CSMD3: variants seen among roughly 807,000 people sequenced by gnomAD.
CSMD3 encodes CUB and sushi domain-containing protein 3.
A neutral mutation model predicts 435.2 loss-of-function variants in CSMD3; 177 were observed. The ratio of observed to expected loss-of-function variants is 0.41; its 90% confidence interval spans 0.36 to 0.46. CSMD3 has a LOEUF of 0.46. CSMD3 is among the 20% of genes least tolerant of loss of function. The pLI, the probability that CSMD3 is intolerant of heterozygous loss-of-function variation, is 0.34. For missense variants in CSMD3, 4,265 were observed against 4,504.6 expected (o/e 0.95, Z 1.52); for synonymous variants, 1,656 against 1,520.5 (o/e 1.09, Z -2.07).
chr8:112,265,387 A>G, intron 60 of CSMD3, 24 bp downstream of exon 60: 1 of 1,557,406 alleles, frequency 6.4e-7, no homozygotes. Context: ...CCATTTTTAA[A>G]TGTTGAAGAA....
At chr8:112,582,441 C>T (rs887959166) in intron 23 of CSMD3, among the ~76,000 whole-genome samples, 23 of 151,508 alleles carry the variant, frequency 1.5e-4, no homozygotes, top group Non-Finnish European at 2.9e-5. Context: ...ATATAGCATG[C>T]TTGGTATATT....
At position 112,311,090 on chromosome 8, in the gene CSMD3, C is replaced by A. The variant is rs746284745; in HGVS notation, c.7773G>T (p.Val2591=). ...ATCCTCGATCACAGGCCCAACGGAC[C>A]ACACTGTTAAGCTGCCCACCTGTCT... ...ISQTGGQLNS[V]VRWACDRGFR... is the part of the protein sequence containing the mutation. Residue 2591 remains valine (V), a synonymous_variant, in exon 50 of 71, where the codon GTG becomes GTT. Transcript: ENST00000297405. The A allele has an allele frequency of 1.9e-6, 3 of 1,613,984 alleles. No individual in the cohort carries two copies. Among genetic ancestry groups the A allele is most frequent in the East Asian group, 2.2e-5 (1 of 44,858 alleles).
chr8:112,666,041 A>G (rs2075516032), intron 17 of CSMD3, among the ~76,000 whole-genome samples: 1 of 152,144 alleles, frequency 6.6e-6, no homozygotes, highest in African/African-American at 2.4e-5. Flanking sequence ...GTAGTACATA[A>G]AGCAAAAAGG....
chr8:113,329,820 G>T (rs981292427), intron 1 of CSMD3, among the ~76,000 whole-genome samples: 1 of 152,000 alleles, frequency 6.6e-6, no homozygotes, highest in South Asian at 2.1e-4. Context: ...ACAAGAGAAC[G>T]TTAACAAGAA....
chr8:113,176,984 AAT>A (rs1354562227), intron 3 of CSMD3, among the ~76,000 whole-genome samples: 1 of 151,760 alleles, frequency 6.6e-6, no homozygotes, highest in African/African-American at 2.4e-5. Flanking sequence ...ATAATTATTA[AAT>A]ATATGTTGTA....
chr8:112,717,308 C>T (rs931473044), intron 13 of CSMD3, among the ~76,000 whole-genome samples: 12 of 151,832 alleles, frequency 7.9e-5, no homozygotes, highest in Admixed American at 2.6e-4. Context: ...CCAACAAACA[C>T]ACGACAAAAA....
In CSMD3 at chr8:112,494,571, CTTTT is replaced by C. The variant is rs1268111581; in HGVS notation, c.5084-1892_5084-1889del. Among the ~76,000 whole-genome samples, 4 of 93,720 alleles carry C rather than the reference CTTTT, an allele frequency of 4.3e-5. No homozygotes were observed. The Admixed American group carries it at 4.9e-4, about 11-fold the overall frequency. 61.5% of individuals were successfully genotyped at this position (93,720 alleles called of 152,430 possible). A position where few individuals can be genotyped will look rare whatever the true frequency, so the allele number is the denominator to read the frequency against. On this transcript the variant is annotated intron_variant, in intron 30 of 70. Coordinates refer to ENST00000297405, the MANE Select transcript of CSMD3 (RefSeq NM_198123.2). ...TCTTTCTTTCTTTCTTTCTTTCTTT[CTTTT>C]CTTTCTTTCTCTCTACAAGTACTTA...
At chr8:112,642,814 T>C (rs1289003568) in intron 20 of CSMD3, among the ~76,000 whole-genome samples, 1 of 152,206 alleles carries the variant, frequency 6.6e-6, no homozygotes, top group Non-Finnish European at 1.5e-5. Flanking sequence ...TTTAGATTAC[T>C]ACAAACTTCT....
chr8:113,239,198 A>G (rs1310435628), intron 3 of CSMD3, among the ~76,000 whole-genome samples: 2 of 152,046 alleles, frequency 1.3e-5, no homozygotes, highest in Non-Finnish European at 2.9e-5. Flanking sequence ...CTTAAAACTC[A>G]TATTGGAAGT....
chr8:113,379,788 C>G (rs1400658490), intron 1 of CSMD3, among the ~76,000 whole-genome samples: 2 of 152,156 alleles, frequency 1.3e-5, no homozygotes, highest in African/African-American at 2.4e-5. Context: ...AAAACAATGA[C>G]TATATTTCAG....
At chr8:112,609,663 G>A (rs1833100876) in intron 22 of CSMD3, among the ~76,000 whole-genome samples, 1 of 152,052 alleles carries the variant, frequency 6.6e-6, no homozygotes, top group Non-Finnish European at 1.5e-5. Context: ...TCACTTCAGG[G>A]TATATAACCG....
At chr8:112,602,182 A>G (rs1832409175) in intron 22 of CSMD3, among the ~76,000 whole-genome samples, 1 of 152,262 alleles carries the variant, frequency 6.6e-6, no homozygotes, top group African/African-American at 2.4e-5. Context: ...ATCCAATGTT[A>G]TAGCAAACAA....
In CSMD3 at chr8:112,445,150, C is replaced by T. The variant is rs956634538; in HGVS notation, c.5395+27441G>A. ...CCCAGCTACTCGAGAGGCTGAGACACGAGAATCCCTTGAACCTGGGAGACG... is the reference window on the plus strand; with the variant it reads ...CCCAGCTACTCGAGAGGCTGAGACATGAGAATCCCTTGAACCTGGGAGACG... On this transcript the variant is annotated intron_variant, in intron 32 of 70. Coordinates refer to ENST00000297405, the MANE Select transcript of CSMD3 (RefSeq NM_198123.2). 2.6e-5 allele frequency among the ~76,000 whole-genome samples: 4 copies of T among 151,954 alleles called. 1 individual carries two copies. Among genetic ancestry groups the T allele is most frequent in the Admixed American group, 1.3e-4 (2 of 15,250 alleles).
chr8:112,852,671 C>A (rs2080525536), intron 11 of CSMD3, among the ~76,000 whole-genome samples: 1 of 151,696 alleles, frequency 6.6e-6, no homozygotes, highest in East Asian at 1.9e-4. Flanking sequence ...GTCTATAATC[C>A]CAGCACTTTG....
intron 10 of CSMD3, among the ~76,000 whole-genome samples, chr8:112,906,297 G>A (rs1587636765): frequency 6.6e-6 from 1 of 151,254 alleles, no homozygotes; most frequent in African/African-American, 2.4e-5. Flanking sequence ...TCACAAGGCT[G>A]CAACAGAATG....
chr8:113,243,262 G>A (rs1041704978), intron 3 of CSMD3, among the ~76,000 whole-genome samples: 1 of 151,794 alleles, frequency 6.6e-6, no homozygotes, highest in Non-Finnish European at 1.5e-5. Flanking sequence ...ACTAAACTTT[G>A]CCCTTTTAAA....
chr8:112,415,380 A>C (rs751767364), intron 32 of CSMD3, among the ~76,000 whole-genome samples: 3 of 152,214 alleles, frequency 2.0e-5, no homozygotes. Context: ...ACAGAAGTCA[A>C]GAACTGAGGT....
chr8:113,056,871 T>C (rs2088365905), intron 5 of CSMD3, among the ~76,000 whole-genome samples: 1 of 152,200 alleles, frequency 6.6e-6, no homozygotes, highest in African/African-American at 2.4e-5. Flanking sequence ...GAATGAAATT[T>C]TGACTTTTTA....
Position 112,666,264 on chromosome 8 carries a change from A to G in CSMD3, c.2816+13T>C. Reference sequence around the variant, plus strand: ...AATATTTTCTTTAAAAGTAGGAAAAATATTTGTGAGACCTTTCAAATGTAA... The same window carrying G: ...AATATTTTCTTTAAAAGTAGGAAAAGTATTTGTGAGACCTTTCAAATGTAA... On this transcript the variant is annotated intron_variant, in intron 17 of 70. Transcript: ENST00000297405. 2 of 1,599,074 alleles carry G rather than the reference A, an allele frequency of 1.3e-6. No homozygotes were observed. Among genetic ancestry groups the G allele is most frequent in the Non-Finnish European group, 1.7e-6 (2 of 1,167,928 alleles).
Sources: gnomAD v4.1 joint callset for allele counts (sites outside exome capture counted in the v4.1 genomes callset) on GRCh38, gnomAD v4.1.1 for gene constraint, MANE v1.5 for transcripts, NCBI Gene and HGNC (gene_info 2026-07-23, HGNC 2026-07-21) for gene names.